EDIL3: variants seen among roughly 807,000 people sequenced by gnomAD.
The protein encoded by EDIL3 is EGF-like repeat and discoidin I-like domain-containing protein 3.
Under a neutral mutation model 67.4 loss-of-function variants are expected in EDIL3, and 37 were observed. The observed-to-expected ratio is 0.55, with a 90% confidence interval of 0.42 to 0.72. The LOEUF (loss-of-function observed/expected upper bound fraction) is 0.72. Among genes scored for constraint, EDIL3 ranks in the 30% least tolerant of loss-of-function variants. The pLI is 0.00. For missense variants in EDIL3, 527 were observed against 586.3 expected, an observed-to-expected ratio of 0.90 and a Z score of 1.04; for synonymous variants, 195 against 196.3, an observed-to-expected ratio of 0.99 and a Z score of 0.05.
rs1744211364 is a variant in EDIL3 at position 83,940,827 on chromosome 5, A to G, written c.*2592T>C. Reference sequence around the variant, plus strand: ...GACTAGCAAAGATACAATCATTAGTAACCCAAGTCTTCAAAATTCACACCA... The same window carrying G: ...GACTAGCAAAGATACAATCATTAGTGACCCAAGTCTTCAAAATTCACACCA... On this transcript the variant is annotated 3_prime_UTR_variant, in exon 11 of 11. Transcript: ENST00000296591. 1 of 152,000 alleles carries G rather than the reference A, an allele frequency of 6.6e-6. No individual in the cohort carries two copies. Among genetic ancestry groups the G allele is most frequent in the Non-Finnish European group, 1.5e-5 (1 of 67,886 alleles). 9.4% of individuals were successfully genotyped at this position (152,000 alleles called of 1,614,324 possible).
intron 1 of EDIL3, among the ~76,000 whole-genome samples, chr5:84,343,745 C>A (rs909247715): frequency 2.0e-5 from 3 of 152,026 alleles, no homozygotes; most frequent in Non-Finnish European, 4.4e-5. Context: ...ACTCTGGTTT[C>A]ACTCTAACTC....
intron 10 of EDIL3, among the ~76,000 whole-genome samples, chr5:83,953,665 C>T (rs1196861164): frequency 6.6e-6 from 1 of 151,718 alleles, no homozygotes; most frequent in Non-Finnish European, 1.5e-5. Context: ...TGAGTTTGGT[C>T]CTCTGCTCAC....
intron 4 of EDIL3, among the ~76,000 whole-genome samples, chr5:84,163,371 A>G (rs1269725199): frequency 6.6e-6 from 1 of 152,116 alleles, no homozygotes; most frequent in Non-Finnish European, 1.5e-5. Context: ...ATGAGACTAT[A>G]CCTTAAAGAG....
chr5:84,004,847 T>G (rs1306508364), intron 9 of EDIL3, among the ~76,000 whole-genome samples: 1 of 152,018 alleles, frequency 6.6e-6, no homozygotes, highest in African/African-American at 2.4e-5. Flanking sequence ...AGTGCTCAAC[T>G]GAATTAAGTA....
intron 9 of EDIL3, 34 bp from the exon 10 acceptor site, chr5:83,963,394 G>A (rs754469730): frequency 9.0e-6 from 14 of 1,552,296 alleles, no homozygotes; most frequent in Admixed American, 4.1e-5. Context: ...CTTTAAATGC[G>A]ACAACCAAGT....
At chr5:84,139,345 G>A (rs1270382126) in intron 4 of EDIL3, among the ~76,000 whole-genome samples, 1 of 151,618 alleles carries the variant, frequency 6.6e-6, no homozygotes, top group Non-Finnish European at 1.5e-5. Context: ...GAAGGAGGGA[G>A]GGAGGGGAAA....
At chr5:84,233,319 G>A (rs921602562) in intron 2 of EDIL3, among the ~76,000 whole-genome samples, 1 of 152,110 alleles carries the variant, frequency 6.6e-6, no homozygotes, top group East Asian at 1.9e-4. Flanking sequence ...CCAGGCTTCT[G>A]CATTTTTTAT....
intron 4 of EDIL3, among the ~76,000 whole-genome samples, chr5:84,156,288 T>C (rs1748487524): frequency 6.6e-6 from 1 of 152,210 alleles, no homozygotes; most frequent in South Asian, 2.1e-4. Flanking sequence ...ATTTACCTGC[T>C]GTCTGTCTAC....
At chr5:84,277,902 GTAGTA>G (rs1179129873) in intron 1 of EDIL3, among the ~76,000 whole-genome samples, 6 of 151,894 alleles carry the variant, frequency 4.0e-5, no homozygotes. Context: ...TCCTTTTACC[GTAGTA>G]TACCCCAACA....
intron 4 of EDIL3, among the ~76,000 whole-genome samples, chr5:84,175,992 A>G (rs1305575034): frequency 1.3e-5 from 2 of 151,792 alleles, no homozygotes; most frequent in Non-Finnish European, 2.9e-5. Flanking sequence ...AATATCATTG[A>G]CTAACTTTGA....
chr5:84,361,551 T>G (rs2112201450), intron 1 of EDIL3, among the ~76,000 whole-genome samples: 1 of 152,196 alleles, frequency 6.6e-6, no homozygotes, highest in Non-Finnish European at 1.5e-5. Flanking sequence ...TCTATTATTT[T>G]AGATTTAATA....
intron 4 of EDIL3, among the ~76,000 whole-genome samples, chr5:84,138,513 A>G (rs1748132177): frequency 6.6e-6 from 1 of 152,218 alleles, no homozygotes; most frequent in Non-Finnish European, 1.5e-5. Flanking sequence ...CAGATTTGTA[A>G]TGTGCCTTCT....
rs1024598357 is a variant in EDIL3, at chr5:84,007,134, T to C, written c.1138-43774A>G. On this transcript the variant is annotated intron_variant, in intron 9 of 10. Coordinates refer to ENST00000296591, the MANE Select transcript of EDIL3 (RefSeq NM_005711.5). ...TCTCTTGCCATCTACAAAAATAAAA[T>C]CCAAAGATACAAGATTTAAATCTAA... 2.0e-5 allele frequency among the ~76,000 whole-genome samples: 3 copies of C among 151,970 alleles called. No homozygotes were observed. The East Asian group carries it at 5.8e-4, about 29-fold the overall frequency.
At chr5:84,085,959 C>T (rs949052481) in intron 6 of EDIL3, among the ~76,000 whole-genome samples, 1 of 152,146 alleles carries the variant, frequency 6.6e-6, no homozygotes, top group Non-Finnish European at 1.5e-5. Flanking sequence ...GGCACTGTCA[C>T]GGGAAAACCA....
intron 9 of EDIL3, among the ~76,000 whole-genome samples, chr5:84,030,686 T>C (rs905785364): frequency 2.6e-5 from 4 of 152,146 alleles, no homozygotes; most frequent in African/African-American, 9.7e-5. Context: ...CTGAATTCTA[T>C]AATAGCAGAC....
At chr5:84,019,801 C>T (rs1213286973) in intron 9 of EDIL3, among the ~76,000 whole-genome samples, 1 of 151,818 alleles carries the variant, frequency 6.6e-6, no homozygotes, top group Non-Finnish European at 1.5e-5. Context: ...TTTGAAAAAG[C>T]CCAAAATGAG....
rs140227702 is a variant in EDIL3 at position 84,133,749 on chromosome 5, G to A, written c.469+3492C>T. On this transcript the variant is annotated intron_variant, in intron 5 of 10. Coordinates refer to ENST00000296591, the MANE Select transcript of EDIL3 (RefSeq NM_005711.5). Reference sequence around the variant, plus strand: ...TCTAAATGATTTTCACATATTAAACGTAATTTTATGTAAAATATAAAAATA... The same window carrying A: ...TCTAAATGATTTTCACATATTAAACATAATTTTATGTAAAATATAAAAATA... Among the ~76,000 whole-genome samples, 827 of 151,944 alleles carry A rather than the reference G, an allele frequency of 5.4e-3. 8 individuals are homozygous for A. The highest frequency in any genetic ancestry group is 0.019 in the African/African-American group (797 of 41,506).
chr5:83,951,594 C>T (rs1744423289), intron 10 of EDIL3, among the ~76,000 whole-genome samples: 1 of 151,522 alleles, frequency 6.6e-6, no homozygotes, highest in Non-Finnish European at 1.5e-5. Context: ...AATAAAAGTC[C>T]ACATTTCCGG....
chr5:84,192,572 C>A (rs917949972), intron 3 of EDIL3, among the ~76,000 whole-genome samples: 8 of 151,810 alleles, frequency 5.3e-5, no homozygotes, highest in Non-Finnish European at 7.4e-5. Context: ...ATTTTTATTC[C>A]CTTCACAAGT....
Sources: allele counts gnomAD v4.1 joint callset (sites outside exome capture counted in the v4.1 genomes callset), GRCh38; gene constraint gnomAD v4.1.1; transcripts MANE v1.5; gene names NCBI Gene and HGNC (gene_info 2026-07-23, HGNC 2026-07-21).